The following ITGBL1 variants were observed in gnomAD, a reference collection of about 807,000 sequenced individuals.
ITGBL1 encodes integrin beta-like protein 1.
A neutral mutation model predicts 68.5 loss-of-function variants in ITGBL1; 51 were observed. The ratio of observed to expected loss-of-function variants is 0.74; its 90% CI spans 0.59 to 0.94. ITGBL1 has a LOEUF of 0.94. Among genes scored for constraint, ITGBL1 ranks in the 40% least tolerant of loss-of-function variants. The pLI, the probability that ITGBL1 is intolerant of heterozygous loss-of-function variation, is 0.00. For missense variants in ITGBL1, 649 were observed against 647.4 expected (o/e 1.00, Z -0.03); for synonymous variants, 209 against 227.3 (o/e 0.92, Z 0.72).
intron 6 of ITGBL1, among the ~76,000 whole-genome samples, chr13:101,593,109 G>A (rs2050683641): frequency 6.6e-6 from 1 of 151,912 alleles, no homozygotes; most frequent in Admixed American, 6.6e-5. Flanking sequence ...AATAAATATT[G>A]CTCAAAAGAA....
chr13:101,507,157 G>A (rs2049039106), intron 2 of ITGBL1, among the ~76,000 whole-genome samples: 1 of 152,162 alleles, frequency 6.6e-6, no homozygotes, highest in African/African-American at 2.4e-5. Context: ...GCAACTTCAT[G>A]AAATCTTCAG....
intron 2 of ITGBL1, among the ~76,000 whole-genome samples, chr13:101,479,868 G>A (rs1431516020): frequency 6.6e-6 from 1 of 152,038 alleles, no homozygotes; most frequent in Non-Finnish European, 1.5e-5. Context: ...GTGTTGGTGG[G>A]AATGAAAATT....
chr13:101,591,315 C>CTAAA lies in ITGBL1; in HGVS notation c.869-6835_869-6834insATAA, dbSNP rs149247623. Reference sequence around the variant, plus strand: ...TACAAAAATTCCCATACTGTAAAGTCTAATCATATTCATATGTCATGTATG... The same window carrying CTAAA: ...TACAAAAATTCCCATACTGTAAAGTCTAAATAATCATATTCATATGTCATGTATG... On this transcript the variant is annotated intron_variant, in intron 6 of 10. Transcript: ENST00000376180. 9.0e-3 allele frequency among the ~76,000 whole-genome samples: 1,376 copies of CTAAA among 152,290 alleles called. 21 individuals are homozygous for CTAAA. The highest frequency in any genetic ancestry group is 0.031 in the African/African-American group (1,301 of 41,566).
At chr13:101,531,186 C>G (rs1393985007) in intron 2 of ITGBL1, among the ~76,000 whole-genome samples, 1 of 152,080 alleles carries the variant, frequency 6.6e-6, no homozygotes, top group South Asian at 2.1e-4. Context: ...CTAGTTGGTT[C>G]TAATCAGAAA....
At chr13:101,530,295 A>G (rs919649635) in intron 2 of ITGBL1, among the ~76,000 whole-genome samples, 6 of 152,182 alleles carry the variant, frequency 3.9e-5, no homozygotes, top group African/African-American at 1.4e-4. Flanking sequence ...GTAGTGATGG[A>G]CAATCAAATT....
chr13:101,638,520 G>T (rs78936270), intron 7 of ITGBL1, among the ~76,000 whole-genome samples: 2 of 152,150 alleles, frequency 1.3e-5, no homozygotes, highest in African/African-American at 2.4e-5. Flanking sequence ...AAAAGAAAGA[G>T]GTTTAATGGA....
chr13:101,538,391 C>G (rs1394732324), intron 2 of ITGBL1, among the ~76,000 whole-genome samples: 3 of 151,836 alleles, frequency 2.0e-5, no homozygotes, highest in African/African-American at 7.3e-5. Flanking sequence ...GTTTCCTCTC[C>G]CATTTGAGGG....
intron 7 of ITGBL1, among the ~76,000 whole-genome samples, chr13:101,599,571 T>A (rs1417736211): frequency 1.3e-5 from 2 of 152,242 alleles, no homozygotes; most frequent in Non-Finnish European, 2.9e-5. Context: ...TGGTTTTAGG[T>A]CTGACATGTA....
rs376719197 is a variant in ITGBL1 at position 101,714,567 on chromosome 13, T to G, written c.1393+16T>G. On this transcript the variant is annotated intron_variant, in intron 10 of 10. Transcript: ENST00000376180. ...ATTTGTACAGGTGCAGTATTAACCT[T>G]TTCTAATTGCTCTATGCCACAGTTT... 151 of 1,413,096 alleles carry G rather than the reference T, an allele frequency of 1.1e-4. No individual in the cohort carries two copies. The highest frequency in any genetic ancestry group is 1.8e-4 in the Middle Eastern group (1 of 5,674). The allele number at this position is 1,413,096 out of a possible 1,614,324, so 87.5% of individuals were successfully genotyped here.
chr13:101,466,074 C>CT (rs1225206254), intron 2 of ITGBL1, among the ~76,000 whole-genome samples: 2 of 152,166 alleles, frequency 1.3e-5, no homozygotes, highest in Non-Finnish European at 2.9e-5. Flanking sequence ...AGTCATCCAA[C>CT]TAAACTATGG....
intron 6 of ITGBL1, among the ~76,000 whole-genome samples, chr13:101,588,300 T>TGTGTGTGC (rs1387095446): frequency 6.7e-6 from 1 of 149,878 alleles, no homozygotes; most frequent in Non-Finnish European, 1.5e-5. Context: ...TCTTCCATTG[T>TGTGTGTGC]GTGTGTGTGT....
intron 2 of ITGBL1, among the ~76,000 whole-genome samples, chr13:101,519,647 A>G (rs2049252311): frequency 6.6e-6 from 1 of 152,178 alleles, no homozygotes; most frequent in Non-Finnish European, 1.5e-5. Flanking sequence ...TCCTTCTTAA[A>G]TGCAAACAGT....
chr13:101,708,640 A>C (rs900511792), intron 9 of ITGBL1, among the ~76,000 whole-genome samples: 1 of 152,206 alleles, frequency 6.6e-6, no homozygotes, highest in African/African-American at 2.4e-5. Flanking sequence ...AAGTTGAAAG[A>C]GACTTTTTGG....
At chr13:101,718,815 T>C (rs1454305331), downstream of ITGBL1, 1 of 151,916 alleles carries the variant, frequency 6.6e-6, no homozygotes, top group African/African-American at 2.4e-5. Flanking sequence ...AACTCAGCCT[T>C]AGTTTGCAGA....
At chr13:101,707,688 A>G (rs1311261183) in intron 9 of ITGBL1, among the ~76,000 whole-genome samples, 1 of 151,612 alleles carries the variant, frequency 6.6e-6, no homozygotes, top group Non-Finnish European at 1.5e-5. Flanking sequence ...ACTCTATTAA[A>G]AAAAACACAA....
intron 7 of ITGBL1, among the ~76,000 whole-genome samples, chr13:101,679,135 T>A (rs537043780): frequency 4.1e-4 from 63 of 151,860 alleles, no homozygotes; most frequent in African/African-American, 1.4e-3. Flanking sequence ...CTCCATCTCC[T>A]GACCTCGTGA....
chr13:101,696,775 G>A (rs2034012926), intron 8 of ITGBL1, among the ~76,000 whole-genome samples: 1 of 152,090 alleles, frequency 6.6e-6, no homozygotes, highest in South Asian at 2.1e-4. Flanking sequence ...TCAAAGCTAG[G>A]ATAAAGGTTA....
intron 7 of ITGBL1, among the ~76,000 whole-genome samples, chr13:101,625,285 G>T (rs1319363994): frequency 2.0e-5 from 3 of 152,154 alleles, no homozygotes; most frequent in Non-Finnish European, 4.4e-5. Flanking sequence ...GAACTTCTTA[G>T]TTATAAATGG....
chr13:101,579,534 C>A, intron 5 of ITGBL1, 107 bp downstream of exon 5: 1 of 1,148,678 alleles, frequency 8.7e-7, no homozygotes, highest in Non-Finnish European at 1.2e-6. Context: ...AAGTTATCTT[C>A]TAACCATTTA....
Sources: gnomAD v4.1 joint callset for allele counts (sites outside exome capture counted in the v4.1 genomes callset) on GRCh38, gnomAD v4.1.1 for gene constraint, MANE v1.5 for transcripts, NCBI Gene and HGNC (gene_info 2026-07-23, HGNC 2026-07-21) for gene names.